Variants in CREB5 observed in about 807,000 individuals in gnomAD.
CREB5 encodes the protein cAMP responsive element binding protein 5, also known as cyclic AMP-responsive element-binding protein 5.
In CREB5, 19 loss-of-function variants were observed where a neutral mutation model predicts 57.1. The observed-to-expected ratio is 0.33, with a 90% CI of 0.23 to 0.49. CREB5 has a LOEUF of 0.49. Among genes scored for constraint, CREB5 ranks in the 20% least tolerant of loss-of-function variants. The pLI is 0.99. For synonymous variants in CREB5, 238 were observed against 238.3 expected (o/e 1.00, Z 0.01); for missense variants, 579 against 671.6 (o/e 0.86, Z 1.52).
intron 5 of CREB5, among the ~76,000 whole-genome samples, chr7:28,660,993 G>A (rs1008004908): frequency 6.7e-6 from 1 of 149,352 alleles, no homozygotes; most frequent in African/African-American, 2.5e-5. Flanking sequence ...TTCTCTATCT[G>A]AATAAATTTC....
intron 1 of CREB5, among the ~76,000 whole-genome samples, chr7:28,483,675 T>C (rs1011404594): frequency 3.3e-5 from 5 of 152,206 alleles, no homozygotes; most frequent in Non-Finnish European, 7.3e-5. Flanking sequence ...ATGGGGGTCA[T>C]ACTCAGCCCA....
At chr7:28,314,642 A>G (rs1279206233) in intron 1 of CREB5, among the ~76,000 whole-genome samples, 3 of 152,148 alleles carry the variant, frequency 2.0e-5, no homozygotes, top group Non-Finnish European at 4.4e-5. Flanking sequence ...TAGTTCATAT[A>G]CTTTGGGGTA....
At chr7:28,685,665 CTTT>C (rs548208912) in intron 5 of CREB5, among the ~76,000 whole-genome samples, 3 of 130,924 alleles carry the variant, frequency 2.3e-5, no homozygotes, top group Admixed American at 7.8e-5. Context: ...ACAGGGCACT[CTTT>C]TTTTTTTTTT....
intron 1 of CREB5, among the ~76,000 whole-genome samples, chr7:28,376,082 G>A (rs138865387): frequency 6.6e-6 from 1 of 152,124 alleles, no homozygotes. Flanking sequence ...ATTATAAGAG[G>A]CTGGCTCATC....
chr7:28,327,920 A>G (rs1486725142), intron 1 of CREB5, among the ~76,000 whole-genome samples: 1 of 152,216 alleles, frequency 6.6e-6, no homozygotes. Flanking sequence ...TCAAAAAACA[A>G]GTCTGGTTTT....
chr7:28,560,369 A>G (rs922259807), intron 4 of CREB5, among the ~76,000 whole-genome samples: 1 of 152,146 alleles, frequency 6.6e-6, no homozygotes, highest in Non-Finnish European at 1.5e-5. Flanking sequence ...GGCTGGAAAT[A>G]TAGGGTCTTG....
At chr7:28,725,374 C>T (rs1803272957) in intron 7 of CREB5, among the ~76,000 whole-genome samples, 1 of 152,304 alleles carries the variant, frequency 6.6e-6, no homozygotes, top group African/African-American at 2.4e-5. Flanking sequence ...TGACTTGCAG[C>T]TTCTTGACCC....
intron 1 of CREB5, among the ~76,000 whole-genome samples, chr7:28,311,336 G>C (rs1302540605): frequency 2.0e-5 from 3 of 151,896 alleles, no homozygotes; most frequent in Non-Finnish European, 4.4e-5. Context: ...GAGCCCTTAG[G>C]ACCTATTTTC....
At chr7:28,380,896 C>G (rs974389135) in intron 1 of CREB5, among the ~76,000 whole-genome samples, 1 of 152,178 alleles carries the variant, frequency 6.6e-6, no homozygotes, top group Admixed American at 6.5e-5. Flanking sequence ...TGAAAATACC[C>G]AGCACAGCAA....
chr7:28,580,963 G>A (rs1796101975), intron 5 of CREB5, among the ~76,000 whole-genome samples: 1 of 152,108 alleles, frequency 6.6e-6, no homozygotes, highest in Non-Finnish European at 1.5e-5. Flanking sequence ...TTTTTTGATT[G>A]GAGGTCTGAA....
chr7:28,557,968 A>C (rs1178503212), intron 4 of CREB5, among the ~76,000 whole-genome samples: 3 of 152,184 alleles, frequency 2.0e-5, no homozygotes, highest in African/African-American at 7.2e-5. Context: ...AGAGAACCCA[A>C]GTTGTGCTAG....
intron 1 of CREB5, among the ~76,000 whole-genome samples, chr7:28,366,258 T>G (rs547935309): frequency 5.7e-4 from 87 of 152,312 alleles, no homozygotes; most frequent in African/African-American, 1.9e-3. Context: ...TTTTTAGATT[T>G]AGTTATTATT....
At chr7:28,485,371 T>C (rs1791506727) in intron 1 of CREB5, among the ~76,000 whole-genome samples, 1 of 152,148 alleles carries the variant, frequency 6.6e-6, no homozygotes, top group Non-Finnish European at 1.5e-5. Context: ...AATAACATTC[T>C]ACAGTAGCAA....
At chr7:28,756,014 A>G (rs996450162) in intron 7 of CREB5, among the ~76,000 whole-genome samples, 1 of 152,140 alleles carries the variant, frequency 6.6e-6, no homozygotes, top group African/African-American at 2.4e-5. Flanking sequence ...AGAAATTTAT[A>G]TTTGCTATAG....
intron 4 of CREB5, among the ~76,000 whole-genome samples, chr7:28,525,128 G>A (rs1583577259): frequency 6.6e-6 from 1 of 152,100 alleles, no homozygotes; most frequent in East Asian, 1.9e-4. Context: ...ACGACCTTCA[G>A]TTCCATCCAT....
At chr7:28,547,795 T>C (rs1395235253) in intron 4 of CREB5, among the ~76,000 whole-genome samples, 1 of 152,208 alleles carries the variant, frequency 6.6e-6, no homozygotes. Context: ...TATGTAGCTT[T>C]GGAAGTGTGT....
At chr7:28,495,709 A>G (rs1403167840) in intron 3 of CREB5, among the ~76,000 whole-genome samples, 1 of 152,150 alleles carries the variant, frequency 6.6e-6, no homozygotes, top group African/African-American at 2.4e-5. Context: ...AGCTAAAATA[A>G]AGGATCATCT....
chr7:28,415,271 T>C (rs1448580578), intron 1 of CREB5, among the ~76,000 whole-genome samples: 3 of 152,054 alleles, frequency 2.0e-5, no homozygotes, highest in East Asian at 3.9e-4. Flanking sequence ...GGGCCTCGGA[T>C]TGATAGACCA....
chr7:28,527,383 A>G (rs160347), intron 4 of CREB5, among the ~76,000 whole-genome samples: 8,509 of 152,194 alleles, frequency 0.056, 569 homozygotes, highest in East Asian at 0.34. Context: ...GGAATTACCA[A>G]TGTGACCTGG....
Sources: gnomAD v4.1 joint callset for allele counts (sites outside exome capture counted in the v4.1 genomes callset) on GRCh38, gnomAD v4.1.1 for gene constraint, MANE v1.5 for transcripts, NCBI Gene and HGNC (gene_info 2026-07-23, HGNC 2026-07-21) for gene names.